Variants in CDH10 observed in about 807,000 individuals in gnomAD.
CDH10 encodes cadherin-10.
Under a neutral mutation model 73.1 loss-of-function variants are expected in CDH10, and 30 were observed. The observed-to-expected ratio is 0.41, with a 90% CI of 0.31 to 0.56. The LOEUF (loss-of-function observed/expected upper bound fraction) is 0.56, where lower values mean the gene tolerates loss of function less well. Among genes scored for constraint, CDH10 ranks in the 20% least tolerant of loss-of-function variants. The pLI, the probability that CDH10 is intolerant of heterozygous loss-of-function variation, is 0.27. For synonymous variants in CDH10, 345 were observed against 348.2 expected, an observed-to-expected ratio of 0.99 and a Z score of 0.10; for missense variants, 815 against 973.7, an observed-to-expected ratio of 0.84 and a Z score of 2.17.
At position 24,487,478 on chromosome 5, in the gene CDH10, CAT is replaced by C; in HGVS notation, c.*183_*184del. 1.7e-6 allele frequency: 1 copy of C among 577,850 alleles called. No homozygotes were observed. Among genetic ancestry groups the C allele is most frequent in the South Asian group, 2.2e-5 (1 of 44,520 alleles). The allele number at this position is 577,850 out of a possible 1,614,324, so 35.8% of individuals were successfully genotyped here. On this transcript the variant is annotated 3_prime_UTR_variant, in exon 12 of 12. Coordinates refer to ENST00000264463, the MANE Select transcript of CDH10 (RefSeq NM_006727.5). Reference sequence around the variant, plus strand: ...TCTTGGAAGTGATTAAATAAAATGTCATATATATTCCATGAGACATCCTACAG... The same window carrying C: ...TCTTGGAAGTGATTAAATAAAATGTCATATATTCCATGAGACATCCTACAG...
At chr5:24,539,498 G>A (rs1702620610) in intron 2 of CDH10, among the ~76,000 whole-genome samples, 2 of 151,716 alleles carry the variant, frequency 1.3e-5, no homozygotes, top group South Asian at 4.2e-4. Context: ...CTACTTTTTG[G>A]TTAATGGAAG....
At chr5:24,520,168 G>A (rs1452838158) in intron 5 of CDH10, among the ~76,000 whole-genome samples, 1 of 152,036 alleles carries the variant, frequency 6.6e-6, no homozygotes, top group African/African-American at 2.4e-5. Context: ...CATATATGTA[G>A]ACATAGGTCA....
chr5:24,603,780 C>T (rs556320010), intron 1 of CDH10, among the ~76,000 whole-genome samples: 65 of 152,080 alleles, frequency 4.3e-4, no homozygotes, highest in African/African-American at 1.5e-3. Context: ...AAGATACCTA[C>T]TTTTACCACT....
At chr5:24,498,627 G>T in intron 8 of CDH10, 108 bp from the exon 9 acceptor site, 5 of 684,540 alleles carry the variant, frequency 7.3e-6, no homozygotes, top group Non-Finnish European at 1.0e-5. Flanking sequence ...AATAAGCATT[G>T]CAATCATTCT....
chr5:24,542,246 A>G (rs908927242), intron 2 of CDH10, among the ~76,000 whole-genome samples: 2 of 152,182 alleles, frequency 1.3e-5, no homozygotes, highest in African/African-American at 4.8e-5. Context: ...GAAATGAAAT[A>G]AGCTTACACG....
chr5:24,556,177 C>T (rs907063445), intron 2 of CDH10, among the ~76,000 whole-genome samples: 7 of 152,082 alleles, frequency 4.6e-5, no homozygotes, highest in African/African-American at 1.7e-4. Context: ...TGTCTGCTCT[C>T]GTAGTTAGTA....
intron 1 of CDH10, among the ~76,000 whole-genome samples, chr5:24,607,061 C>G (rs1486870643): frequency 6.6e-6 from 1 of 152,092 alleles, no homozygotes; most frequent in Admixed American, 6.6e-5. Context: ...AACTTTATTT[C>G]CTCAGCTTGG....
chr5:24,501,847 A>C (rs1742508014), intron 8 of CDH10, among the ~76,000 whole-genome samples: 1 of 152,128 alleles, frequency 6.6e-6, no homozygotes, highest in South Asian at 2.1e-4. Flanking sequence ...GTCTATAACA[A>C]ATATGCCCTA....
intron 5 of CDH10, among the ~76,000 whole-genome samples, chr5:24,532,032 G>A (rs1743774132): frequency 6.6e-6 from 1 of 151,908 alleles, no homozygotes. Flanking sequence ...AAATGTCCAG[G>A]GCCATGGCTA....
At chr5:24,489,155 T>C (rs1741955565) in intron 11 of CDH10, among the ~76,000 whole-genome samples, 1 of 152,006 alleles carries the variant, frequency 6.6e-6, no homozygotes, top group Non-Finnish European at 1.5e-5. Context: ...TGGATATATA[T>C]ATATGAAGAA....
intron 5 of CDH10, among the ~76,000 whole-genome samples, chr5:24,512,306 C>T (rs748056991): frequency 8.1e-5 from 12 of 147,830 alleles, no homozygotes; most frequent in South Asian, 4.1e-4. Context: ...ACCAACCAAG[C>T]GTGTATTTTT....
At chr5:24,544,943 G>A (rs1744286787) in intron 2 of CDH10, among the ~76,000 whole-genome samples, 1 of 152,028 alleles carries the variant, frequency 6.6e-6, no homozygotes, top group Non-Finnish European at 1.5e-5. Flanking sequence ...CTACTTCCAA[G>A]GCCAGAAATT....
chr5:24,499,688 G>GAAA (rs36056652), intron 8 of CDH10, among the ~76,000 whole-genome samples: 10 of 147,446 alleles, frequency 6.8e-5, no homozygotes, highest in Non-Finnish European at 1.5e-4. Flanking sequence ...TTCCATCTCA[G>GAAA]AAAAAAAAAA....
rs114308026 is a variant in CDH10 at position 24,503,068 on chromosome 5, C to T, written c.1393+2044G>A. 1.1e-3 allele frequency among the ~76,000 whole-genome samples: 170 copies of T among 152,246 alleles called. 1 individual carries two copies. Among genetic ancestry groups the T allele is most frequent in the African/African-American group, 3.8e-3 (159 of 41,532 alleles). ...ATTTCAGGGGCAGATGTAAGAAAGACGCTAAATCTATTACTTTGTCCTGAA... is the reference window on the plus strand; with the variant it reads ...ATTTCAGGGGCAGATGTAAGAAAGATGCTAAATCTATTACTTTGTCCTGAA... On this transcript the variant is annotated intron_variant, in intron 8 of 11. Coordinates refer to ENST00000264463, the MANE Select transcript of CDH10 (RefSeq NM_006727.5).
intron 1 of CDH10, among the ~76,000 whole-genome samples, chr5:24,599,858 T>A (rs986690756): frequency 1.3e-5 from 2 of 152,190 alleles, no homozygotes; most frequent in African/African-American, 2.4e-5. Flanking sequence ...ACTCTAATTA[T>A]GGTTTAATAT....
At chr5:24,520,072 C>T (rs542211427) in intron 5 of CDH10, among the ~76,000 whole-genome samples, 2 of 152,276 alleles carry the variant, frequency 1.3e-5, no homozygotes, top group South Asian at 4.1e-4. Context: ...TGGATTACAG[C>T]TTTAACTCTA....
intron 2 of CDH10, among the ~76,000 whole-genome samples, chr5:24,552,910 G>GGACT (rs1744599590): frequency 6.6e-6 from 1 of 151,892 alleles, no homozygotes; most frequent in Admixed American, 6.6e-5. Context: ...ATTCCAAAAG[G>GGACT]GACTGTTTGT....
intron 1 of CDH10, among the ~76,000 whole-genome samples, chr5:24,618,388 T>C (rs1002891494): frequency 1.3e-5 from 2 of 152,216 alleles, no homozygotes; most frequent in Non-Finnish European, 2.9e-5. Flanking sequence ...GTTTTTTAAA[T>C]CCTTTCAATT....
At chr5:24,522,128 T>A (rs1391233503) in intron 5 of CDH10, among the ~76,000 whole-genome samples, 2 of 151,202 alleles carry the variant, frequency 1.3e-5, no homozygotes, top group Non-Finnish European at 2.9e-5. Flanking sequence ...CGAGACTCTG[T>A]CTCAAAAACA....
Sources: allele counts gnomAD v4.1 joint callset (sites outside exome capture counted in the v4.1 genomes callset), GRCh38; gene constraint gnomAD v4.1.1; transcripts MANE v1.5; gene names NCBI Gene and HGNC (gene_info 2026-07-23, HGNC 2026-07-21).